RBM45: variants seen among roughly 807,000 people sequenced by gnomAD.
RBM45 encodes RNA binding motif protein 45.
A neutral mutation model predicts 58.5 loss-of-function variants in RBM45; 39 were observed. The observed-to-expected ratio is 0.67, with a 90% confidence interval of 0.52 to 0.87. The LOEUF (loss-of-function observed/expected upper bound fraction) is 0.87, where lower values mean the gene tolerates loss of function less well. Among genes scored for constraint, RBM45 ranks in the 40% least tolerant of loss-of-function variants. RBM45 has a pLI of 0.00. For missense variants in RBM45, 481 were observed against 581.6 expected, an observed-to-expected ratio of 0.83 and a Z score of 1.78; for synonymous variants, 193 against 203.0, an observed-to-expected ratio of 0.95 and a Z score of 0.42.
intron 1 of RBM45, among the ~76,000 whole-genome samples, chr2:178,115,920 A>G (rs1482019858): frequency 1.3e-5 from 2 of 152,260 alleles, no homozygotes; most frequent in East Asian, 3.9e-4. Context: ...TGGAAGGTCA[A>G]AGTGGGAGGA....
intron 5 of RBM45, 42 bp downstream of exon 5, chr2:178,121,401 TATACACAC>T (rs1559080073): frequency 1.5e-5 from 9 of 595,050 alleles, no homozygotes; most frequent in African/African-American, 1.1e-4. Context: ...TATATGTATA[TATACACAC>T]ACACACACAC....
intron 8 of RBM45, chr2:178,125,646 G>A (rs890493606): frequency 6.2e-6 from 3 of 483,340 alleles, no homozygotes; most frequent in Admixed American, 2.4e-5. Flanking sequence ...GAGGCAATGG[G>A]GAGCTGCTGA....
At chr2:178,116,470 T>G in intron 2 of RBM45, 86 bp downstream of exon 2, 1 of 1,192,940 alleles carries the variant, frequency 8.4e-7, no homozygotes, top group East Asian at 2.7e-5. Flanking sequence ...GTTGTTGGAA[T>G]AAGGTCAATA....
At position 178,123,974 on chromosome 2, in the gene RBM45, G is replaced by T. The variant is rs866509090; in HGVS notation, c.1068+62G>T. On this transcript the variant is annotated intron_variant, in intron 7 of 9. Coordinates refer to ENST00000286070, the MANE Select transcript of RBM45 (RefSeq NM_152945.4). ...ATAGCATATAAAATAAATGTGAAGA[G>T]AAATCATGCTTTGTTGATTATCTGT... The T allele has an allele frequency of 2.9e-5, 44 of 1,529,804 alleles. 2 individuals carry two copies. In the Middle Eastern group the frequency reaches 3.1e-3, roughly 108 times the overall value. 94.8% of individuals were successfully genotyped at this position (1,529,804 alleles called of 1,614,324 possible).
intron 5 of RBM45, 98 bp from the exon 6 acceptor site, chr2:178,123,424 A>C: frequency 1.6e-6 from 2 of 1,236,494 alleles, no homozygotes; most frequent in Non-Finnish European, 2.2e-6. Context: ...GTGTGATATT[A>C]GAGTTCTACA....
At position 178,124,126 on chromosome 2, in the gene RBM45, G is replaced by C. The variant is rs1163431385; in HGVS notation, c.1069-1G>C. ...TTTTCTTGTTTTCTACCTGTTAACA[G>C]CAATTTGGAGGAAGCTCTGGATCAC... is the stretch of plus-strand genomic sequence containing the variant. On this transcript the variant is annotated splice_acceptor_variant, in intron 7 of 9. Coordinates refer to ENST00000286070, the MANE Select transcript of RBM45 (RefSeq NM_152945.4). LOFTEE classifies it high-confidence loss of function. 6.3e-7 allele frequency: 1 copy of C among 1,581,858 alleles called. No homozygotes were observed. Among genetic ancestry groups the C allele is most frequent in the Non-Finnish European group, 8.5e-7 (1 of 1,170,956 alleles).
chr2:178,133,910 T>G (rs2088024843), downstream of RBM45: 1 of 152,198 alleles, frequency 6.6e-6, no homozygotes, highest in African/African-American at 2.4e-5. Flanking sequence ...GGTATGGTAT[T>G]GATAGGAGAT....
chr2:178,137,394 T>G (rs1032563065), exon 4 of RBM45: 2 of 152,190 alleles, frequency 1.3e-5, no homozygotes, highest in Non-Finnish European at 2.9e-5. Flanking sequence ...CCAACAAAGA[T>G]GTGTACATAT....
At chr2:178,115,766 G>C (rs571197682) in intron 1 of RBM45, among the ~76,000 whole-genome samples, 1 of 152,032 alleles carries the variant, frequency 6.6e-6, no homozygotes. Flanking sequence ...ATTGTATTAC[G>C]TTTCTTCAAA....
rs1387011198 is a variant in RBM45, at chr2:178,112,688, T to G, written c.142T>G (p.Phe48Val). ...GGTGCTGAGGGAGCGCTTCTCGCCT[T>G]TTGGCGACATCCAGGACATCTGGGT... is the stretch of plus-strand genomic sequence containing the variant. ...ESVLRERFSP[F>V]GDIQDIWVVR... The change falls in exon 1 of 10, where the codon TTT becomes GTT. Residue 48 changes from phenylalanine to valine, a missense_variant. Phe to Val is a conservative substitution (Grantham distance 50). Transcript: ENST00000286070. 6.2e-7 allele frequency: 1 copy of G among 1,614,108 alleles called. No individual in the cohort carries two copies. The highest frequency in any genetic ancestry group is 8.5e-7 in the Non-Finnish European group (1 of 1,180,048).
At chr2:178,116,500 C>A in intron 2 of RBM45, 116 bp downstream of exon 2, 1 of 757,506 alleles carries the variant, frequency 1.3e-6, no homozygotes, top group Non-Finnish European at 1.9e-6. Context: ...TGGGGAATTA[C>A]ATAACTGCTT....
exon 4 of RBM45, chr2:178,138,160 G>A (rs553157449): frequency 1.2e-4 from 18 of 152,248 alleles, no homozygotes; most frequent in Admixed American, 2.6e-4. Flanking sequence ...TCCACAAAGC[G>A]AAGATGGAGG....
At chr2:178,133,557 T>C (rs527464091), downstream of RBM45, among the ~76,000 whole-genome samples, 70 of 152,338 alleles carry the variant, frequency 4.6e-4, no homozygotes, top group African/African-American at 1.6e-3. Flanking sequence ...CGAATGCTTT[T>C]TTGATGTACC....
At chr2:178,133,481 G>A (rs1477639394), downstream of RBM45, among the ~76,000 whole-genome samples, 1 of 152,082 alleles carries the variant, frequency 6.6e-6, no homozygotes, top group Non-Finnish European at 1.5e-5. Context: ...TAATCAAAAG[G>A]GTACAGAAAT....
intron 9 of RBM45, 87 bp downstream of exon 9, chr2:178,126,271 T>G (rs1055001117): frequency 1.2e-6 from 1 of 806,958 alleles, no homozygotes; most frequent in African/African-American, 1.7e-5. Context: ...ACTTTTCTTT[T>G]TAGTGATTTA....
At chr2:178,121,383 A>AT (rs1553511183) in intron 5 of RBM45, 24 bp downstream of exon 5, 18 of 1,118,782 alleles carry the variant, frequency 1.6e-5, no homozygotes, top group Middle Eastern at 4.5e-4. Flanking sequence ...CACATTAAAA[A>AT]ATATATATAT....
chr2:178,124,208 G>A lies in RBM45; in HGVS notation c.1150G>A (p.Ala384Thr). 6.2e-7 allele frequency: 1 copy of A among 1,610,576 alleles called. No homozygotes were observed. Among genetic ancestry groups the A allele is most frequent in the South Asian group, 1.1e-5 (1 of 89,866 alleles). Residue 384 changes from alanine (A) to threonine (T), a missense_variant, in exon 8 of 10, where the codon GCT becomes ACT. Physicochemically the swap from Ala to Thr is moderately conservative, Grantham distance 58. Transcript: ENST00000286070. ...TCCATCATGCAAAAAAAAAGCTCCT[G>A]CTGAAACTCCTGTGAAAGAAAGACT... Reference protein sequence around the residue: ...VLPSCKKKAPAETPVKERLFI... With the variant: ...VLPSCKKKAPTETPVKERLFI...
At chr2:178,135,154 T>G (rs1044987280) in intron 3 of RBM45, among the ~76,000 whole-genome samples, 2 of 152,238 alleles carry the variant, frequency 1.3e-5, no homozygotes, top group African/African-American at 2.4e-5. Flanking sequence ...TTAATACAAG[T>G]GCCAGCGTGA....
chr2:178,118,839 G>C (rs1001568134), intron 3 of RBM45, among the ~76,000 whole-genome samples: 1 of 152,136 alleles, frequency 6.6e-6, no homozygotes, highest in African/African-American at 2.4e-5. Context: ...TTACTGGAAA[G>C]AATTACTGTT....
Sources: gnomAD v4.1 joint callset for allele counts (sites outside exome capture counted in the v4.1 genomes callset) on GRCh38, gnomAD v4.1.1 for gene constraint, MANE v1.5 for transcripts, NCBI Gene and HGNC (gene_info 2026-07-23, HGNC 2026-07-21) for gene names.